EML2: variants seen among roughly 807,000 people sequenced by gnomAD.
EML2 encodes EMAP like 2, also known as echinoderm microtubule-associated protein-like 2.
EML2 carries 59 observed loss-of-function variants against 84.7 expected under a neutral mutation model. The ratio of observed to expected loss-of-function variants is 0.70; its 90% CI spans 0.56 to 0.86. The LOEUF is 0.86. Ranked by LOEUF, EML2 falls within the 40% of genes least tolerant of loss-of-function variation. EML2 has a pLI of 0.00. For synonymous variants in EML2, 352 were observed against 348.9 expected (o/e 1.01, Z -0.10); for missense variants, 818 against 855.6 (o/e 0.96, Z 0.55).
chr19:45,635,815 C>T (rs1973662327), intron 3 of EML2, among the ~76,000 whole-genome samples: 1 of 151,794 alleles, frequency 6.6e-6, no homozygotes, highest in Non-Finnish European at 1.5e-5. Context: ...TGGTCTTGAA[C>T]TCCCAACCTC....
At chr19:45,611,520 C>T (rs1200053511) in intron 18 of EML2, among the ~76,000 whole-genome samples, 1 of 151,796 alleles carries the variant, frequency 6.6e-6, no homozygotes, top group Admixed American at 6.6e-5. Flanking sequence ...GAATCTCGCT[C>T]TTTTGCCCAG....
upstream of EML2, chr19:45,644,583 C>A (rs1208520850): frequency 9.5e-6 from 4 of 422,844 alleles, no homozygotes; most frequent in African/African-American, 8.0e-5. Flanking sequence ...TCCACCATCC[C>A]CATCCCTGTG....
chr19:45,612,920 C>CAA (rs1568429751), intron 18 of EML2, among the ~76,000 whole-genome samples: 1 of 151,580 alleles, frequency 6.6e-6, no homozygotes, highest in Non-Finnish European at 1.5e-5. Context: ...TGTTTTGAGA[C>CAA]AAAGTCTTGC....
At chr19:45,610,867 C>G (rs956052976) in intron 18 of EML2, among the ~76,000 whole-genome samples, 2 of 152,036 alleles carry the variant, frequency 1.3e-5, no homozygotes, top group Non-Finnish European at 2.9e-5. Flanking sequence ...AAAAACCCAG[C>G]AGGGCAACTG....
chr19:45,642,866 A>T (rs2122851541), upstream of EML2: 1 of 151,960 alleles, frequency 6.6e-6, no homozygotes, highest in East Asian at 1.9e-4. Flanking sequence ...GCGTGCCTGT[A>T]GTCCCAGCTA....
chr19:45,638,576 G>A lies in EML2; in HGVS notation c.108C>T (p.Asp36=), dbSNP rs1465574823. The part of the protein sequence containing the change: ...RGRPVPMMIP[D]ELAPTYSLDT... Reference sequence around the variant, plus strand: ...CCAGGCTGTAGGTGGGTGCCAGCTCGTCTGGGATCATCATGGGCACAGGGC... The same window carrying A: ...CCAGGCTGTAGGTGGGTGCCAGCTCATCTGGGATCATCATGGGCACAGGGC... Residue 36 remains aspartate, a synonymous_variant, in exon 3 of 19, where the codon GAC becomes GAT. Coordinates refer to ENST00000245925, the MANE Select transcript of EML2 (RefSeq NM_012155.4). The A allele has an allele frequency of 5.0e-6, 8 of 1,613,970 alleles. No homozygotes were observed. The East Asian group carries it at 8.9e-5, about 18-fold the overall frequency.
chr19:45,641,613 T>A (rs975334980), upstream of EML2: 18 of 1,532,378 alleles, frequency 1.2e-5, no homozygotes, highest in African/African-American at 1.5e-4. Flanking sequence ...TATCTCTTTC[T>A]GCGGCTTGAC....
At chr19:45,609,829 G>A in intron 18 of EML2, 41 bp from the exon 19 acceptor site, 2 of 1,604,352 alleles carry the variant, frequency 1.2e-6, no homozygotes, top group Admixed American at 1.7e-5. Flanking sequence ...TGTCAGTGGG[G>A]ACAATGCCAC....
chr19:45,615,840 C>A lies in EML2; in HGVS notation c.1559G>T (p.Cys520Phe). ...THLDWAQDSS[C>F]FVTNSGDYEI... ...ATAGTCCCCGGAGTTGGTGACAAAG[C>A]AGCTGCTGTCCTGGGCCCAATCCAG... The change falls in exon 16 of 19, where the codon TGC becomes TTC. Residue 520 changes from cysteine (C) to phenylalanine (F), a missense_variant. Coordinates refer to ENST00000245925, the MANE Select transcript of EML2 (RefSeq NM_012155.4). The A allele has an allele frequency of 6.2e-7, 1 of 1,614,010 alleles. No homozygotes were observed. Among genetic ancestry groups the A allele is most frequent in the Non-Finnish European group, 8.5e-7 (1 of 1,179,942 alleles).
At chr19:45,619,448 G>A in intron 11 of EML2, 1 of 280,344 alleles carries the variant, frequency 3.6e-6, no homozygotes, top group Non-Finnish European at 6.9e-6. Context: ...GAGGCAGGAG[G>A]GCATGGTGGC....
chr19:45,611,210 G>A lies in EML2; in HGVS notation c.1825-1422C>T, dbSNP rs534442797. Among the ~76,000 whole-genome samples the A allele has an allele frequency of 1.2e-3, 177 of 152,138 alleles. 2 individuals are homozygous for A. The highest frequency in any genetic ancestry group is 3.8e-3 in the African/African-American group (158 of 41,544). ...AGATCGCCTGAGGTTGGGGGTTCAAGACCAGCCTGACCAATATGGAGAAAC... is the reference window on the plus strand; with the variant it reads ...AGATCGCCTGAGGTTGGGGGTTCAAAACCAGCCTGACCAATATGGAGAAAC... On this transcript the variant is annotated intron_variant, in intron 18 of 18. Transcript: ENST00000245925.
At position 45,617,524 on chromosome 19, in the gene EML2, T is replaced by G; in HGVS notation, c.1322+106A>C. ...AGTGAGCCAGAGGAATATTGAGGGA[T>G]CAGGGCTCGGTAAATAGTGGGATTT... is the stretch of plus-strand genomic sequence containing the variant. On this transcript the variant is annotated intron_variant, in intron 13 of 18. Transcript: ENST00000245925. 3.9e-6 allele frequency: 4 copies of G among 1,019,256 alleles called. No homozygotes were observed. The South Asian group carries it at 6.3e-5, about 16-fold the overall frequency. 63.1% of individuals were successfully genotyped at this position (1,019,256 alleles called of 1,614,324 possible). A position where few individuals can be genotyped will look rare whatever the true frequency, so the allele number is the denominator to read the frequency against.
intron 7 of EML2, 121 bp from the exon 8 acceptor site, chr19:45,626,960 CTTT>C (rs5828242): frequency 3.8e-3 from 2,019 of 525,042 alleles, no homozygotes; most frequent in South Asian, 5.9e-3. Context: ...CTGAACTTTT[CTTT>C]TTTTTTTTTT....
At chr19:45,611,111 A>G (rs1970449843) in intron 18 of EML2, among the ~76,000 whole-genome samples, 1 of 151,812 alleles carries the variant, frequency 6.6e-6, no homozygotes, top group African/African-American at 2.4e-5. Context: ...GGGATGAGGC[A>G]TGTAAGAAAT....
intron 12 of EML2, 117 bp downstream of exon 12, chr19:45,618,943 C>A: frequency 2.5e-6 from 3 of 1,224,046 alleles, no homozygotes; most frequent in Non-Finnish European, 3.2e-6. Context: ...CGAGACTCCA[C>A]CTCGAAGAAA....
At chr19:45,623,326 GTGTTCGAGGGCAGCC>G (rs1482475813) in intron 9 of EML2, 1 of 151,946 alleles carries the variant, frequency 6.6e-6, no homozygotes, top group Non-Finnish European at 1.5e-5. Context: ...TTGAGCTCAA[GTGTTCGAGGGCAGCC>G]TGGGCAACAT....
chr19:45,633,199 C>T, intron 4 of EML2, 60 bp from the exon 5 acceptor site: 2 of 1,521,674 alleles, frequency 1.3e-6, no homozygotes, highest in Non-Finnish European at 1.8e-6. Flanking sequence ...CTCACAGAGA[C>T]CCAGGACATT....
Position 45,613,688 on chromosome 19 carries a change from G to A in EML2, c.1694-17C>T. ...ACCAGATCCCTGTGGGCAAGATGAA[G>A]GGAAGTGGTAAGATGTCAGCTGGAG... On this transcript the variant is annotated splice_polypyrimidine_tract_variant and intron_variant, in intron 17 of 18. Transcript: ENST00000245925. 1 of 1,609,138 alleles carries A rather than the reference G, an allele frequency of 6.2e-7. No individual in the cohort carries two copies. The highest frequency in any genetic ancestry group is 1.1e-5 in the South Asian group (1 of 90,874).
chr19:45,609,886 T>TA, intron 18 of EML2, 98 bp from the exon 19 acceptor site: 3 of 1,218,786 alleles, frequency 2.5e-6, no homozygotes, highest in Non-Finnish European at 1.1e-6. Context: ...CTGCTCTTCC[T>TA]CTTTTTTTTT....
Sources: allele counts gnomAD v4.1 joint callset (sites outside exome capture counted in the v4.1 genomes callset), GRCh38; gene constraint gnomAD v4.1.1; transcripts MANE v1.5; gene names NCBI Gene and HGNC (gene_info 2026-07-23, HGNC 2026-07-21).